Variants in CD9 observed in about 807,000 individuals in gnomAD.
CD9 encodes the protein CD9 antigen.
In CD9, 10 loss-of-function variants were observed where a neutral mutation model predicts 31.4. The ratio of observed to expected loss-of-function variants is 0.32; its 90% CI spans 0.20 to 0.54. The LOEUF is 0.54. CD9 is among the 20% of genes least tolerant of loss of function. CD9 has a pLI of 0.94. For missense variants in CD9, 259 were observed against 300.1 expected (o/e 0.86, Z 1.01); for synonymous variants, 113 against 114.1 (o/e 0.99, Z 0.06).
At chr12:6,204,947 G>C (rs1946114659) in intron 1 of CD9, among the ~76,000 whole-genome samples, 1 of 152,192 alleles carries the variant, frequency 6.6e-6, no homozygotes, top group African/African-American at 2.4e-5. Context: ...GGTTGCTACT[G>C]CTCATTTGGC....
At chr12:6,235,978 C>T (rs986012621) in intron 6 of CD9, 15 of 1,417,026 alleles carry the variant, frequency 1.1e-5, no homozygotes, top group South Asian at 3.1e-5. Context: ...CCTTCCCTGA[C>T]GTCCTGCCCA....
At chr12:6,215,473 G>A (rs1238507801) in intron 1 of CD9, among the ~76,000 whole-genome samples, 1 of 152,210 alleles carries the variant, frequency 6.6e-6, no homozygotes, top group African/African-American at 2.4e-5. Flanking sequence ...AGGGAACTGC[G>A]AATTTGCATG....
At chr12:6,202,567 G>A (rs1946088865) in intron 1 of CD9, among the ~76,000 whole-genome samples, 2 of 152,154 alleles carry the variant, frequency 1.3e-5, no homozygotes, top group Admixed American at 6.5e-5. Flanking sequence ...ACCCCCATCT[G>A]CCCCATGGCA....
In CD9 at chr12:6,214,131, CTG is replaced by C. The variant is rs960873488; in HGVS notation, c.67-11291_67-11290del. Among the ~76,000 whole-genome samples, 6 of 152,204 alleles carry C rather than the reference CTG, an allele frequency of 3.9e-5. No homozygotes were observed. The South Asian group carries it at 1.2e-3, about 32-fold the overall frequency. ...CCATCTGAGCTCTGCCTCTTCCTGG[CTG>C]TGTCTTTTTGAGTCAGTTGCTTAAA... On this transcript the variant is annotated intron_variant, in intron 1 of 7. Transcript: ENST00000009180.
chr12:6,225,857 C>A, intron 2 of CD9: 1 of 272,606 alleles, frequency 3.7e-6, no homozygotes. Context: ...ATGCTCTCTC[C>A]TGATTGTCTT....
intron 1 of CD9, among the ~76,000 whole-genome samples, chr12:6,219,268 A>G (rs1344761715): frequency 6.6e-6 from 1 of 152,030 alleles, no homozygotes; most frequent in Non-Finnish European, 1.5e-5. Flanking sequence ...GGCCTCCCAA[A>G]GTGCTGGGAT....
At chr12:6,223,254 C>G (rs889404563) in intron 1 of CD9, among the ~76,000 whole-genome samples, 1 of 142,690 alleles carries the variant, frequency 7.0e-6, no homozygotes, top group Admixed American at 7.1e-5. Flanking sequence ...AAGGTATCAC[C>G]TTTGTACTTT....
intron 2 of CD9, among the ~76,000 whole-genome samples, chr12:6,228,014 G>C (rs11568248): frequency 0.039 from 5,865 of 152,260 alleles, 331 homozygotes; most frequent in African/African-American, 0.13. Context: ...CTGGTGGCCG[G>C]TGGTCCTACC....
At chr12:6,210,464 A>C (rs2136606185) in intron 1 of CD9, among the ~76,000 whole-genome samples, 1 of 151,632 alleles carries the variant, frequency 6.6e-6, no homozygotes, top group South Asian at 2.1e-4. Flanking sequence ...TTTTTTTTAG[A>C]CTCTCTTCGA....
Position 6,232,492 on chromosome 12 carries a change from A to G in CD9, c.176-140A>G. The stretch of plus-strand genomic sequence containing the variant: ...GAAGAGGAGGCTGTATTTTAAGGAA[A>G]GGGAACTTCTTCCCTGAGATGAGGG... On this transcript the variant is annotated intron_variant, in intron 2 of 7. Coordinates refer to ENST00000009180, the MANE Select transcript of CD9 (RefSeq NM_001769.4). The surrounding 1 kb of genome is among the most constrained non-coding windows in gnomAD (Gnocchi z 4.8). 1.5e-6 allele frequency: 1 copy of G among 679,628 alleles called. No individual in the cohort carries two copies. Among genetic ancestry groups the G allele is most frequent in the Non-Finnish European group, 2.7e-6 (1 of 376,720 alleles). 42.1% of individuals were successfully genotyped at this position (679,628 alleles called of 1,614,324 possible).
intron 7 of CD9, among the ~76,000 whole-genome samples, chr12:6,237,278 A>G (rs1946534010): frequency 6.6e-6 from 1 of 152,158 alleles, no homozygotes; most frequent in South Asian, 2.1e-4. Context: ...CCCAGCCAAG[A>G]TATAACAATA....
intron 2 of CD9, among the ~76,000 whole-genome samples, chr12:6,231,834 T>C (rs1272510463): frequency 6.6e-6 from 1 of 152,216 alleles, no homozygotes; most frequent in Non-Finnish European, 1.5e-5. Context: ...TAAGATCTTG[T>C]TAGCATGCTA....
rs766369652 is a variant in CD9, at chr12:6,236,209, C to A, written c.555C>A (p.Ile185=). ...TCCCCAAGTCCTGTCCTGATGCCATCAAAGAGGTCTTCGACAATAAATTCC... is the reference window on the plus strand; with the variant it reads ...TCCCCAAGTCCTGTCCTGATGCCATAAAAGAGGTCTTCGACAATAAATTCC... ...TFTVKSCPDA[I]KEVFDNKFHI... Residue 185 remains isoleucine (I), a synonymous_variant, in exon 7 of 8, where the codon ATC becomes ATA. Transcript: ENST00000009180. 1.9e-6 allele frequency: 3 copies of A among 1,614,218 alleles called. No homozygotes were observed. Among genetic ancestry groups the A allele is most frequent in the Non-Finnish European group, 2.5e-6 (3 of 1,180,038 alleles).
In CD9 at chr12:6,237,899, G is replaced by A; in HGVS notation, c.*71G>A. On this transcript the variant is annotated 3_prime_UTR_variant, in exon 8 of 8. Coordinates refer to ENST00000009180, the MANE Select transcript of CD9 (RefSeq NM_001769.4). ...GTGGGATTTTTTGTTTGTTTGTTTTGTTTTGTTTGTTGTTTGTTGTTTGTT... is the reference window on the plus strand; with the variant it reads ...GTGGGATTTTTTGTTTGTTTGTTTTATTTTGTTTGTTGTTTGTTGTTTGTT... 8.4e-7 allele frequency: 1 copy of A among 1,191,764 alleles called. No homozygotes were observed. Among genetic ancestry groups the A allele is most frequent in the Non-Finnish European group, 1.2e-6 (1 of 805,160 alleles). 73.8% of individuals were successfully genotyped at this position (1,191,764 alleles called of 1,614,324 possible). A position where few individuals can be genotyped will look rare whatever the true frequency, so the allele number is the denominator to read the frequency against.
At chr12:6,205,262 C>G (rs763705678) in intron 1 of CD9, among the ~76,000 whole-genome samples, 4 of 152,184 alleles carry the variant, frequency 2.6e-5, no homozygotes, top group Non-Finnish European at 5.9e-5. Context: ...GATGGTCTCT[C>G]CCCTACACCC....
At chr12:6,212,994 G>A (rs7961144) in intron 1 of CD9, among the ~76,000 whole-genome samples, 6 of 152,266 alleles carry the variant, frequency 3.9e-5, no homozygotes, top group South Asian at 2.1e-4. Flanking sequence ...GCTGATTCCC[G>A]TGGGGAGACA....
intron 1 of CD9, 70 bp downstream of exon 1, chr12:6,200,635 G>T (rs1037950195): frequency 1.3e-5 from 14 of 1,065,782 alleles, no homozygotes; most frequent in African/African-American, 4.8e-5. Flanking sequence ...CACTGGCCGC[G>T]GCCGCGAGTG....
At position 6,222,892 on chromosome 12, in the gene CD9, C is replaced by T. The variant is rs557022167; in HGVS notation, c.67-2534C>T. 1.9e-3 allele frequency among the ~76,000 whole-genome samples: 291 copies of T among 152,112 alleles called. 1 individual carries two copies. Among genetic ancestry groups the T allele is most frequent in the Non-Finnish European group, 3.6e-3 (246 of 68,030 alleles). On this transcript the variant is annotated intron_variant, in intron 1 of 7. Coordinates refer to ENST00000009180, the MANE Select transcript of CD9 (RefSeq NM_001769.4). ...TCCTTGGCAGACCTGGGATTGTTTT[C>T]GTTCTTTTCTGCGACTCAGTTTTCC...
intron 1 of CD9, among the ~76,000 whole-genome samples, chr12:6,218,187 C>T (rs900472612): frequency 6.6e-6 from 1 of 151,618 alleles, no homozygotes; most frequent in Non-Finnish European, 1.5e-5. Context: ...ATGGTCATAC[C>T]ACTGCACTCC....
Sources: gnomAD v4.1 joint callset for allele counts (sites outside exome capture counted in the v4.1 genomes callset) on GRCh38, gnomAD v4.1.1 for gene constraint, Gnocchi (gnomAD v3.1) non-coding constraint, MANE v1.5 for transcripts, NCBI Gene and HGNC (gene_info 2026-07-23, HGNC 2026-07-21) for gene names.